Variants in C2orf42 observed in about 807,000 individuals in gnomAD.
C2orf42 encodes the protein uncharacterized protein C2orf42.
Under a neutral mutation model 58.9 loss-of-function variants are expected in C2orf42, and 44 were observed. The ratio of observed to expected loss-of-function variants is 0.75; its 90% CI spans 0.59 to 0.96. C2orf42 has a LOEUF of 0.96. C2orf42 is among the 40% of genes least tolerant of loss of function. The pLI is 0.00. For missense variants in C2orf42, 630 were observed against 699.2 expected, an observed-to-expected ratio of 0.90 and a Z score of 1.12; for synonymous variants, 239 against 265.4, an observed-to-expected ratio of 0.90 and a Z score of 0.97.
At chr2:70,153,193 G>T (rs924493677) in intron 9 of C2orf42, among the ~76,000 whole-genome samples, 5 of 151,904 alleles carry the variant, frequency 3.3e-5, no homozygotes, top group Non-Finnish European at 7.4e-5. Flanking sequence ...TCCATTATTA[G>T]CAATGAAGGA....
intron 5 of C2orf42, among the ~76,000 whole-genome samples, chr2:70,172,238 A>G (rs61307147): frequency 0.18 from 26,805 of 149,998 alleles, 3,183 homozygotes; most frequent in African/African-American, 0.33. Flanking sequence ...AAAAAAAAAA[A>G]AAAAAGGCTA....
chr2:70,161,531 T>C (rs1193643877), intron 8 of C2orf42, among the ~76,000 whole-genome samples: 2 of 152,088 alleles, frequency 1.3e-5, no homozygotes, highest in Non-Finnish European at 2.9e-5. Flanking sequence ...AGGGTTCACA[T>C]GTATTTACTT....
intron 1 of C2orf42, among the ~76,000 whole-genome samples, chr2:70,184,463 C>T (rs1412779871): frequency 6.6e-6 from 1 of 150,600 alleles, no homozygotes; most frequent in African/African-American, 2.4e-5. Flanking sequence ...AGACATGAAC[C>T]ACTGTGCCTG....
chr2:70,153,271 A>G (rs113424782), intron 9 of C2orf42, among the ~76,000 whole-genome samples: 28 of 152,186 alleles, frequency 1.8e-4, no homozygotes, highest in African/African-American at 6.7e-4. Flanking sequence ...ACTCTGCATC[A>G]GCGCTCCACA....
Position 70,181,587 on chromosome 2 carries a change from GCA to G in C2orf42, c.397_398del (p.Cys133ProfsTer53). 1 of 1,614,104 alleles carries G rather than the reference GCA, an allele frequency of 6.2e-7. No individual in the cohort carries two copies. The highest frequency in any genetic ancestry group is 1.1e-5 in the South Asian group (1 of 91,082). ...AGTTCACCGCCAGCTTGATGTGCTG[GCA>G]CTGGTTTTCCACAACGCCTTGAGTG... is the stretch of plus-strand genomic sequence containing the variant. ...AATQGVVENQ[C>X]QHIKLAVNCQ... On this transcript the variant is annotated frameshift_variant, in exon 3 of 10. Transcript: ENST00000264434. LOFTEE classifies it high-confidence loss of function.
At chr2:70,165,964 C>G (rs1390064767) in intron 6 of C2orf42, among the ~76,000 whole-genome samples, 1 of 151,892 alleles carries the variant, frequency 6.6e-6, no homozygotes, top group Non-Finnish European at 1.5e-5. Flanking sequence ...GATCTCGGCT[C>G]ACTGCAACCT....
At chr2:70,187,790 A>C (rs1573048674) in intron 1 of C2orf42, among the ~76,000 whole-genome samples, 2 of 151,804 alleles carry the variant, frequency 1.3e-5, no homozygotes, top group East Asian at 3.9e-4. Context: ...TCCCGGGTTC[A>C]AGCAATTCTC....
chr2:70,174,048 C>T (rs911199021), intron 5 of C2orf42, among the ~76,000 whole-genome samples: 1 of 152,132 alleles, frequency 6.6e-6, no homozygotes, highest in Non-Finnish European at 1.5e-5. Context: ...TGGCTCACAC[C>T]TGTAATCTCA....
chr2:70,189,744 T>G (rs1573054410), intron 1 of C2orf42, among the ~76,000 whole-genome samples: 21 of 101,864 alleles, frequency 2.1e-4, no homozygotes, highest in South Asian at 9.8e-4. Context: ...ATGGCCTGAG[T>G]AGCTGGACGT....
intron 5 of C2orf42, among the ~76,000 whole-genome samples, chr2:70,172,809 G>A (rs557476275): frequency 1.2e-4 from 18 of 152,266 alleles, no homozygotes; most frequent in African/African-American, 4.3e-4. Context: ...AAGGCATACA[G>A]TGACAATTTA....
chr2:70,164,125 A>G (rs1371997692), intron 8 of C2orf42, among the ~76,000 whole-genome samples: 1 of 151,626 alleles, frequency 6.6e-6, no homozygotes, highest in Non-Finnish European at 1.5e-5. Context: ...CAGCCTGGGC[A>G]ACATGGGGAA....
At chr2:70,183,189 G>A (rs1674691730) in intron 1 of C2orf42, among the ~76,000 whole-genome samples, 1 of 152,120 alleles carries the variant, frequency 6.6e-6, no homozygotes, top group African/African-American at 2.4e-5. Context: ...TGTAATCCCA[G>A]AGATTTAGGA....
intron 4 of C2orf42, among the ~76,000 whole-genome samples, chr2:70,177,329 A>G (rs553058462): frequency 1.3e-5 from 2 of 151,926 alleles, no homozygotes; most frequent in East Asian, 3.9e-4. Context: ...AATCCCAGCT[A>G]CTCGGGAGGC....
chr2:70,176,055 C>A (rs1278865794), intron 4 of C2orf42, among the ~76,000 whole-genome samples: 1 of 152,140 alleles, frequency 6.6e-6, no homozygotes, highest in East Asian at 1.9e-4. Flanking sequence ...AGTGAACTGT[C>A]TTCCGTTTTC....
chr2:70,184,003 G>T (rs1674760306), intron 1 of C2orf42, among the ~76,000 whole-genome samples: 1 of 151,944 alleles, frequency 6.6e-6, no homozygotes, highest in Non-Finnish European at 1.5e-5. Context: ...AGAGACAGGG[G>T]TCTCACTTTG....
chr2:70,181,119 C>G, intron 3 of C2orf42, 44 bp downstream of exon 3: 1 of 1,141,184 alleles, frequency 8.8e-7, no homozygotes, highest in Non-Finnish European at 1.3e-6. Context: ...CTTTTCATTG[C>G]AGTTTTAGAA....
chr2:70,168,147 T>C (rs1324183083), intron 6 of C2orf42, among the ~76,000 whole-genome samples: 1 of 151,086 alleles, frequency 6.6e-6, no homozygotes, highest in East Asian at 2.0e-4. Context: ...GGCAGGAGAA[T>C]TGCTTGAACC....
intron 6 of C2orf42, among the ~76,000 whole-genome samples, chr2:70,166,322 C>T (rs1467326332): frequency 6.7e-5 from 10 of 149,482 alleles, no homozygotes. Context: ...CCACTGCACT[C>T]CAGCCTGGGC....
At chr2:70,169,366 T>C (rs1466097390) in intron 6 of C2orf42, among the ~76,000 whole-genome samples, 191 bp downstream of exon 6, 1 of 152,196 alleles carries the variant, frequency 6.6e-6, no homozygotes, top group Non-Finnish European at 1.5e-5. Flanking sequence ...CTCTAAATTA[T>C]AATAATTTTG....
Sources: gnomAD v4.1 joint callset for allele counts (sites outside exome capture counted in the v4.1 genomes callset) on GRCh38, gnomAD v4.1.1 for gene constraint, MANE v1.5 for transcripts, NCBI Gene and HGNC (gene_info 2026-07-23, HGNC 2026-07-21) for gene names.